PLPP3: variants seen among roughly 807,000 people sequenced by gnomAD.
PLPP3 encodes phospholipid phosphatase 3, also known as PAP2 beta.
PLPP3 carries 6 observed loss-of-function variants against 29.6 expected under a neutral mutation model. That is an observed-to-expected ratio of 0.20 (90% CI 0.11 to 0.40). The LOEUF is 0.40. PLPP3 is among the 10% of genes least tolerant of loss of function. The probability of loss-of-function intolerance (pLI) is 1.00; values close to 1 mark genes in which losing one functional copy is unlikely to be tolerated. For synonymous variants in PLPP3, 152 were observed against 159.7 expected, an observed-to-expected ratio of 0.95 and a Z score of 0.36; for missense variants, 308 against 407.7, an observed-to-expected ratio of 0.76 and a Z score of 2.11.
At chr1:56,509,853 A>AAT (rs377448398) in intron 5 of PLPP3, among the ~76,000 whole-genome samples, 13 of 139,266 alleles carry the variant, frequency 9.3e-5, no homozygotes, top group African/African-American at 2.4e-4. Context: ...AAAAAAAAAA[A>AAT]GGAAGACAAT....
chr1:56,556,729 T>C (rs1347738260), intron 1 of PLPP3, among the ~76,000 whole-genome samples: 2 of 150,952 alleles, frequency 1.3e-5, no homozygotes, highest in African/African-American at 2.4e-5. Flanking sequence ...GGAGGGACAG[T>C]ATAGGTGAAT....
At chr1:56,557,056 G>A (rs369594785) in intron 1 of PLPP3, among the ~76,000 whole-genome samples, 1,672 of 8,760 alleles carry the variant, frequency 0.19, 556 homozygotes, top group Admixed American at 0.36. Context: ...GAGAGAGAGA[G>A]AGAAAGAAAG....
At position 56,524,220 on chromosome 1, in the gene PLPP3, T is replaced by C; in HGVS notation, c.575+57A>G. ...CAGGGCCCAGCTAGTAAGTGCTCAC[T>C]GAACTGCACTGTATGAAAGGGGTCC... On this transcript the variant is annotated intron_variant, in intron 3 of 5. Transcript: ENST00000371250. The surrounding 1 kb of genome is among the most constrained non-coding windows in gnomAD (Gnocchi z 4.3). The C allele has an allele frequency of 1.3e-6, 2 of 1,586,080 alleles. No homozygotes were observed. The highest frequency in any genetic ancestry group is 1.7e-5 in the Admixed American group (1 of 57,874).
chr1:56,575,649 CATGCT>C (rs1478913863), intron 1 of PLPP3, among the ~76,000 whole-genome samples: 3 of 152,204 alleles, frequency 2.0e-5, no homozygotes, highest in African/African-American at 7.2e-5. Flanking sequence ...GGATTCCACT[CATGCT>C]AAACTGAGAA....
intron 2 of PLPP3, among the ~76,000 whole-genome samples, chr1:56,534,662 CGTT>C (rs1047844318): frequency 1.3e-5 from 2 of 152,104 alleles, no homozygotes; most frequent in African/African-American, 2.4e-5. Context: ...TCGACGTCAT[CGTT>C]GTTGTTGTTG....
intron 1 of PLPP3, among the ~76,000 whole-genome samples, chr1:56,555,432 C>CAAAAAAAAAA (rs1646068262): frequency 1.5e-4 from 1 of 6,510 alleles, no homozygotes; most frequent in Admixed American, 1.9e-3. Flanking sequence ...AGGCCAAACA[C>CAAAAAAAAAA]TAAAAAAAAA....
rs1052227264 is a variant in PLPP3 at position 56,494,809 on chromosome 1, T to A, written c.*1742A>T. On this transcript the variant is annotated 3_prime_UTR_variant, in exon 6 of 6. Coordinates refer to ENST00000371250, the MANE Select transcript of PLPP3 (RefSeq NM_003713.5). ...TTAAAAAGCACATTTAATACAAGTATAGTTTCGCAGATACAAGTTTTCACT... is the reference window on the plus strand; with the variant it reads ...TTAAAAAGCACATTTAATACAAGTAAAGTTTCGCAGATACAAGTTTTCACT... The A allele has an allele frequency of 3.9e-5, 6 of 152,676 alleles. No homozygotes were observed. Among genetic ancestry groups the A allele is most frequent in the African/African-American group, 1.4e-4 (6 of 41,462 alleles). 9.5% of individuals were successfully genotyped at this position (152,676 alleles called of 1,614,324 possible). A position where few individuals can be genotyped will look rare whatever the true frequency, so the allele number is the denominator to read the frequency against.
intron 1 of PLPP3, among the ~76,000 whole-genome samples, chr1:56,557,965 C>T (rs1646096476): frequency 6.6e-6 from 1 of 152,170 alleles, no homozygotes; most frequent in Admixed American, 6.5e-5. Flanking sequence ...ATCAGCGTAT[C>T]CTGAGCTTGA....
intron 1 of PLPP3, among the ~76,000 whole-genome samples, chr1:56,567,415 TGAGATG>T (rs57598319): frequency 0.29 from 37,947 of 130,108 alleles, 6,098 homozygotes; most frequent in Middle Eastern, 0.4. Context: ...TTTTTTTTTT[TGAGATG>T]GAGTCTCGCT....
intron 2 of PLPP3, among the ~76,000 whole-genome samples, chr1:56,529,927 T>C (rs1385397515): frequency 1.3e-5 from 2 of 152,088 alleles, no homozygotes; most frequent in Non-Finnish European, 1.5e-5. Flanking sequence ...TGGTTGAAAT[T>C]AGCAGTGGCT....
intron 5 of PLPP3, among the ~76,000 whole-genome samples, chr1:56,499,197 C>A (rs1410374426): frequency 6.6e-6 from 1 of 151,556 alleles, no homozygotes; most frequent in Non-Finnish European, 1.5e-5. Flanking sequence ...CATTTCCTAA[C>A]TGCAGGATAG....
At chr1:56,555,537 C>T (rs887745554) in intron 1 of PLPP3, among the ~76,000 whole-genome samples, 1 of 150,324 alleles carries the variant, frequency 6.7e-6, no homozygotes, top group Non-Finnish European at 1.5e-5. Context: ...GATAAGTATC[C>T]AACACTGCCT....
Position 56,524,579 on chromosome 1 carries a change from TA to T in PLPP3, c.298-26del. Reference sequence around the variant, plus strand: ...TCTAAAAGGAATCCAACAGGGGAATTAGGCAGTATCAAGATTCATCATCAAC... The same window carrying T: ...TCTAAAAGGAATCCAACAGGGGAATTGGCAGTATCAAGATTCATCATCAAC... On this transcript the variant is annotated intron_variant, in intron 2 of 5. Coordinates refer to ENST00000371250, the MANE Select transcript of PLPP3 (RefSeq NM_003713.5). This position sits in a 1 kb window ranked among gnomAD's most constrained non-coding sequence, Gnocchi z 4.3. 2 of 1,595,902 alleles carry T rather than the reference TA, an allele frequency of 1.3e-6. No homozygotes were observed. The highest frequency in any genetic ancestry group is 1.7e-6 in the Non-Finnish European group (2 of 1,165,248).
chr1:56,536,899 T>TGAC, intron 2 of PLPP3, 56 bp downstream of exon 2: 1 of 1,594,048 alleles, frequency 6.3e-7, no homozygotes, highest in Non-Finnish European at 8.6e-7. Flanking sequence ...TTCTATAATA[T>TGAC]GACAATACAG....
At chr1:56,500,640 A>C (rs972741896) in intron 5 of PLPP3, among the ~76,000 whole-genome samples, 1 of 152,156 alleles carries the variant, frequency 6.6e-6, no homozygotes, top group African/African-American at 2.4e-5. Context: ...TTCAGATCTC[A>C]TTCTTTTGGC....
intron 1 of PLPP3, among the ~76,000 whole-genome samples, chr1:56,552,627 C>G (rs1229150051): frequency 6.6e-6 from 1 of 152,176 alleles, no homozygotes; most frequent in Non-Finnish European, 1.5e-5. Flanking sequence ...CTTTCCCCTA[C>G]AGGGACCCTG....
At chr1:56,532,076 T>C (rs1645892987) in intron 2 of PLPP3, among the ~76,000 whole-genome samples, 1 of 152,202 alleles carries the variant, frequency 6.6e-6, no homozygotes, top group Admixed American at 6.5e-5. Flanking sequence ...GAATTGCTGC[T>C]GTTCTCACTT....
rs561274062 is a variant in PLPP3 at position 56,561,805 on chromosome 1, C to T, written c.139+17073G>A. Among the ~76,000 whole-genome samples the T allele has an allele frequency of 5.3e-5, 8 of 151,876 alleles. No homozygotes were observed. In the South Asian group the frequency reaches 8.3e-4, roughly 16 times the overall value. On this transcript the variant is annotated intron_variant, in intron 1 of 5. Coordinates refer to ENST00000371250, the MANE Select transcript of PLPP3 (RefSeq NM_003713.5). ...ATCCCAGCACTCTGGGAGGCCAAGGCGGGTGAATCACCTGAGGTCAGGAGT... is the reference window on the plus strand; with the variant it reads ...ATCCCAGCACTCTGGGAGGCCAAGGTGGGTGAATCACCTGAGGTCAGGAGT...
chr1:56,531,342 T>C (rs1645887271), intron 2 of PLPP3, among the ~76,000 whole-genome samples: 1 of 152,200 alleles, frequency 6.6e-6, no homozygotes, highest in South Asian at 2.1e-4. Context: ...TCTAATCCTA[T>C]AGTCAGACTT....
Sources: gnomAD v4.1 joint callset for allele counts (sites outside exome capture counted in the v4.1 genomes callset) on GRCh38, gnomAD v4.1.1 for gene constraint, Gnocchi (gnomAD v3.1) non-coding constraint, MANE v1.5 for transcripts, NCBI Gene and HGNC (gene_info 2026-07-23, HGNC 2026-07-21) for gene names.